Variants in MRPL13 observed in about 807,000 individuals in gnomAD.
The protein encoded by MRPL13 is mitochondrial ribosomal protein L13.
MRPL13 carries 33 observed loss-of-function variants against 29.0 expected under a neutral mutation model. The ratio of observed to expected loss-of-function variants is 1.14; its 90% confidence interval spans 0.86 to 1.52. The LOEUF (loss-of-function observed/expected upper bound fraction) is 1.52, where lower values mean the gene tolerates loss of function less well. MRPL13 is among the 40% of genes most tolerant of loss of function. The pLI is 0.00. For missense variants in MRPL13, 227 were observed against 216.7 expected (o/e 1.05, Z -0.30); for synonymous variants, 77 against 68.4 (o/e 1.13, Z -0.62).
intron 6 of MRPL13, among the ~76,000 whole-genome samples, chr8:120,396,633 TG>T: frequency 6.6e-6 from 1 of 152,330 alleles, no homozygotes; most frequent in South Asian, 2.1e-4. Flanking sequence ...CAAACATAAC[TG>T]GTTTTCCTTA....
chr8:120,423,539 TA>T (rs1352533527), intron 4 of MRPL13, among the ~76,000 whole-genome samples: 1 of 152,048 alleles, frequency 6.6e-6, no homozygotes, highest in Non-Finnish European at 1.5e-5. Flanking sequence ...ATCTGATTCA[TA>T]AAAGCAATAA....
intron 3 of MRPL13, among the ~76,000 whole-genome samples, chr8:120,430,311 T>C (rs1455887296): frequency 3.3e-5 from 5 of 152,078 alleles, no homozygotes; most frequent in African/African-American, 7.2e-5. Flanking sequence ...GTGGAATCCA[T>C]AGATATGGAG....
At chr8:120,409,299 C>T (rs1193306714) in intron 6 of MRPL13, among the ~76,000 whole-genome samples, 1 of 152,076 alleles carries the variant, frequency 6.6e-6, no homozygotes, top group African/African-American at 2.4e-5. Context: ...CGTAGTTTTC[C>T]TTAGGAAAAG....
intron 5 of MRPL13, among the ~76,000 whole-genome samples, chr8:120,417,598 C>T (rs1812819574): frequency 1.3e-5 from 2 of 151,764 alleles, no homozygotes; most frequent in Non-Finnish European, 2.9e-5. Flanking sequence ...CAGTGTAATC[C>T]CTTATTATTA....
chr8:120,416,265 C>T lies in MRPL13; in HGVS notation c.394-2153G>A, dbSNP rs1025162749. Among the ~76,000 whole-genome samples, 4 of 152,174 alleles carry T rather than the reference C, an allele frequency of 2.6e-5. No homozygotes were observed. The East Asian group carries it at 5.8e-4, about 22-fold the overall frequency. On this transcript the variant is annotated intron_variant, in intron 5 of 6. Transcript: ENST00000306185. ...ATCCCAGCACTTTGGGAGGCAGAGGCGGGTGGATCACGAGGTCAGGAGATC... is the reference window on the plus strand; with the variant it reads ...ATCCCAGCACTTTGGGAGGCAGAGGTGGGTGGATCACGAGGTCAGGAGATC...
intron 6 of MRPL13, among the ~76,000 whole-genome samples, chr8:120,403,208 T>C (rs1006666783): frequency 2.6e-5 from 4 of 152,204 alleles, no homozygotes; most frequent in Admixed American, 1.3e-4. Context: ...TGTATGTTCA[T>C]TGCAGCACTA....
intron 6 of MRPL13, among the ~76,000 whole-genome samples, chr8:120,398,144 G>T (rs940658699): frequency 1.3e-5 from 2 of 152,158 alleles, no homozygotes; most frequent in Non-Finnish European, 2.9e-5. Context: ...CCAAAAAGCA[G>T]CCAGACTGCT....
intron 4 of MRPL13, among the ~76,000 whole-genome samples, chr8:120,423,953 T>C (rs1563774760): frequency 6.6e-6 from 1 of 152,070 alleles, no homozygotes; most frequent in African/African-American, 2.4e-5. Context: ...CTTTCATTGA[T>C]TTGGAAGTAA....
chr8:120,418,814 TTAGAGG>T (rs763367084), intron 5 of MRPL13, among the ~76,000 whole-genome samples: 1 of 151,998 alleles, frequency 6.6e-6, no homozygotes, highest in Non-Finnish European at 1.5e-5. Flanking sequence ...ACATGCTACC[TTAGAGG>T]TAAAGTGAAT....
intron 6 of MRPL13, among the ~76,000 whole-genome samples, chr8:120,407,386 T>C (rs1812682642): frequency 6.6e-6 from 1 of 152,062 alleles, no homozygotes; most frequent in Non-Finnish European, 1.5e-5. Flanking sequence ...ACATTATTGG[T>C]CCTACTTCCC....
intron 3 of MRPL13, among the ~76,000 whole-genome samples, chr8:120,429,120 A>C (rs1812967705): frequency 6.6e-6 from 1 of 152,208 alleles, no homozygotes; most frequent in East Asian, 1.9e-4. Context: ...GGTAGATTGG[A>C]TAAAGAAAAT....
intron 5 of MRPL13, among the ~76,000 whole-genome samples, chr8:120,418,128 T>C (rs930403906): frequency 6.6e-6 from 1 of 152,146 alleles, no homozygotes; most frequent in African/African-American, 2.4e-5. Flanking sequence ...TAGGTATATA[T>C]GCATACAAAT....
intron 2 of MRPL13, among the ~76,000 whole-genome samples, chr8:120,440,398 G>T (rs963388501): frequency 2.6e-5 from 4 of 152,194 alleles, no homozygotes; most frequent in African/African-American, 9.6e-5. Context: ...CCTGCGGTCA[G>T]GAGTTCCAGA....
chr8:120,395,805 A>G lies in MRPL13; in HGVS notation c.*299T>C, dbSNP rs577684201. 4 of 247,796 alleles carry G rather than the reference A, an allele frequency of 1.6e-5. No individual in the cohort carries two copies. In the Admixed American group the frequency reaches 1.7e-4, roughly 10 times the overall value. The allele number at this position is 247,796 out of a possible 1,614,324, so 15.3% of individuals were successfully genotyped here. ...TTGGAATGTGTAACTGCAATTCTAT[A>G]CACAGGGTCTGTTTTTTATCATTAA... On this transcript the variant is annotated 3_prime_UTR_variant, in exon 7 of 7. Coordinates refer to ENST00000306185, the MANE Select transcript of MRPL13 (RefSeq NM_014078.6).
Position 120,432,099 on chromosome 8 carries a change from A to G in MRPL13, c.176T>C (p.Ile59Thr), listed in dbSNP as rs774860506. Reference sequence around the variant, plus strand: ...AAATGCAATGTGTCTTGTGTTCATTATAACAACATGATCCCCACAGTCACC... The same window carrying G: ...AAATGCAATGTGTCTTGTGTTCATTGTAACAACATGATCCCCACAGTCACC... ...ALSDCGDHVVIMNTRHIAFSG... is the reference protein window; with the variant it reads ...ALSDCGDHVVTMNTRHIAFSG... Residue 59 changes from isoleucine (I) to threonine (T), a missense_variant, in exon 3 of 7, where the codon ATA becomes ACA. By Grantham distance (89) the Ile-to-Thr change is moderately conservative. Coordinates refer to ENST00000306185, the MANE Select transcript of MRPL13 (RefSeq NM_014078.6). The G allele has an allele frequency of 9.4e-6, 15 of 1,604,236 alleles. No individual in the cohort carries two copies. The highest frequency in any genetic ancestry group is 8.5e-5 in the Admixed American group (5 of 58,652).
intron 6 of MRPL13, among the ~76,000 whole-genome samples, chr8:120,401,400 A>C (rs370585730): frequency 6.6e-6 from 1 of 152,244 alleles, no homozygotes; most frequent in African/African-American, 2.4e-5. Context: ...GAAAGACATA[A>C]CCATATGATC....
Position 120,418,856 on chromosome 8 carries a change from C to T in MRPL13, c.393+996G>A, listed in dbSNP as rs369019496. ...AGTGGGAAATTATTCTACTTATTCA[C>T]TTATAGCGAAGACAATAAATCAATC... On this transcript the variant is annotated intron_variant, in intron 5 of 6. Coordinates refer to ENST00000306185, the MANE Select transcript of MRPL13 (RefSeq NM_014078.6). 1.3e-3 allele frequency among the ~76,000 whole-genome samples: 191 copies of T among 152,052 alleles called. 1 individual carries two copies. The highest frequency in any genetic ancestry group is 4.4e-3 in the African/African-American group (181 of 41,520).
At chr8:120,400,139 T>C (rs114959885) in intron 6 of MRPL13, among the ~76,000 whole-genome samples, 6 of 152,302 alleles carry the variant, frequency 3.9e-5, no homozygotes, top group African/African-American at 1.2e-4. Flanking sequence ...ACAGAACTGA[T>C]AGATATCTAC....
intron 3 of MRPL13, among the ~76,000 whole-genome samples, chr8:120,429,315 T>C (rs577884761): frequency 6.6e-6 from 1 of 151,416 alleles, no homozygotes; most frequent in East Asian, 1.9e-4. Context: ...CAAGTACACA[T>C]AGAGGGGAAC....
Sources: allele counts gnomAD v4.1 joint callset (sites outside exome capture counted in the v4.1 genomes callset), GRCh38; gene constraint gnomAD v4.1.1; transcripts MANE v1.5; gene names NCBI Gene and HGNC (gene_info 2026-07-23, HGNC 2026-07-21).